SEMA3D: variants seen among roughly 807,000 people sequenced by gnomAD.
SEMA3D encodes the protein semaphorin-3D.
SEMA3D carries 84 observed loss-of-function variants against 100.1 expected under a neutral mutation model. That is an observed-to-expected ratio of 0.84 (90% confidence interval 0.70 to 1.01). SEMA3D has a LOEUF of 1.01. Ranked by LOEUF, SEMA3D falls within the 50% of genes least tolerant of loss-of-function variation. The pLI is 0.00. For synonymous variants in SEMA3D, 312 were observed against 320.7 expected (o/e 0.97, Z 0.29); for missense variants, 875 against 934.1 (o/e 0.94, Z 0.82).
chr7:85,028,172 C>G, intron 12 of SEMA3D: 1 of 639,652 alleles, frequency 1.6e-6, no homozygotes, highest in Non-Finnish European at 2.9e-6. Flanking sequence ...AGCTGCTACC[C>G]ATAGGAGGTG....
intron 8 of SEMA3D, among the ~76,000 whole-genome samples, chr7:85,057,889 C>G (rs1791366338): frequency 6.6e-6 from 1 of 152,180 alleles, no homozygotes; most frequent in African/African-American, 2.4e-5. Flanking sequence ...CGAGATCACA[C>G]CAGGGCACTC....
intron 8 of SEMA3D, among the ~76,000 whole-genome samples, chr7:85,058,622 C>T (rs1030028915): frequency 9.4e-5 from 14 of 148,230 alleles, no homozygotes; most frequent in African/African-American, 3.7e-4. Context: ...GTGGCGGGCG[C>T]CTGCAGTCCC....
At chr7:85,167,319 A>T in intron 1 of SEMA3D, 1 of 983,700 alleles carries the variant, frequency 1.0e-6, no homozygotes, top group Non-Finnish European at 1.2e-6. Flanking sequence ...AGAACAGTCA[A>T]GGGTGGTGAT....
intron 12 of SEMA3D, among the ~76,000 whole-genome samples, chr7:85,034,405 G>A (rs1284625423): frequency 2.0e-5 from 3 of 151,900 alleles, no homozygotes; most frequent in African/African-American, 4.8e-5. Context: ...TCAGGAGTTC[G>A]AGACCAGCCT....
chr7:85,234,045 T>G, the SEMA3D span, among the ~76,000 whole-genome samples: 2 of 152,172 alleles, frequency 1.3e-5, no homozygotes, highest in Non-Finnish European at 2.9e-5. Flanking sequence ...GAGAATGTAT[T>G]CTTGACTTTT....
chr7:85,239,879 G>C, the SEMA3D span, among the ~76,000 whole-genome samples: 26 of 152,182 alleles, frequency 1.7e-4, no homozygotes, highest in African/African-American at 6.3e-4. Context: ...TTCGTATTCT[G>C]TAACCAACCT....
chr7:85,189,159 T>C (rs1791639469), upstream of SEMA3D, among the ~76,000 whole-genome samples: 1 of 152,174 alleles, frequency 6.6e-6, no homozygotes, highest in Admixed American at 6.5e-5. Flanking sequence ...GTTAATATGT[T>C]GCCCAATGTG....
rs1009670813 is a variant in SEMA3D, at chr7:85,093,170, G to T, written c.312+4635C>A. On this transcript the variant is annotated intron_variant, in intron 4 of 18. Coordinates refer to ENST00000284136, the MANE Select transcript of SEMA3D (RefSeq NM_001384900.1). ...TCTTCTAAGTCAATTAATTTTTAAA[G>T]AAAGTTTGTTTTCTGTTCCCTCTGT... Among the ~76,000 whole-genome samples the T allele has an allele frequency of 5.9e-5, 9 of 152,104 alleles. No individual in the cohort carries two copies. The South Asian group carries it at 1.7e-3, about 28-fold the overall frequency.
At chr7:85,184,842 C>T (rs573489982) in intron 1 of SEMA3D, among the ~76,000 whole-genome samples, 5 of 152,216 alleles carry the variant, frequency 3.3e-5, no homozygotes, top group African/African-American at 1.2e-4. Flanking sequence ...AGCGATGGCA[C>T]CCCTGACCCG....
the SEMA3D span, among the ~76,000 whole-genome samples, chr7:85,242,664 C>G: frequency 2.4e-4 from 36 of 152,106 alleles, no homozygotes; most frequent in Non-Finnish European, 1.5e-5. Context: ...TTGGATTTAT[C>G]TACTTCTCCT....
At chr7:85,168,052 G>T (rs1443749669) in intron 1 of SEMA3D, among the ~76,000 whole-genome samples, 1 of 151,726 alleles carries the variant, frequency 6.6e-6, no homozygotes, top group Non-Finnish European at 1.5e-5. Context: ...TTTTGGACTG[G>T]GGTGTATATA....
chr7:85,127,631 T>A (rs1490442648), intron 2 of SEMA3D, among the ~76,000 whole-genome samples: 1 of 152,262 alleles, frequency 6.6e-6, no homozygotes, highest in Non-Finnish European at 1.5e-5. Flanking sequence ...AGTTAACACA[T>A]TTATAAAAAT....
At chr7:85,247,978 G>A in the SEMA3D span, among the ~76,000 whole-genome samples, 1 of 151,928 alleles carries the variant, frequency 6.6e-6, no homozygotes, top group South Asian at 2.1e-4. Flanking sequence ...CATTGAGTAT[G>A]GCAATGACAT....
At chr7:85,155,699 T>C (rs950918216) in intron 1 of SEMA3D, among the ~76,000 whole-genome samples, 1 of 152,198 alleles carries the variant, frequency 6.6e-6, no homozygotes, top group Non-Finnish European at 1.5e-5. Flanking sequence ...TTATTTTAGT[T>C]ATATATTTAT....
chr7:85,162,300 G>A (rs1322156200), intron 1 of SEMA3D, among the ~76,000 whole-genome samples: 1 of 152,042 alleles, frequency 6.6e-6, no homozygotes, highest in African/African-American at 2.4e-5. Flanking sequence ...CTAAGTCACA[G>A]CATCAGTAAA....
the SEMA3D span, among the ~76,000 whole-genome samples, chr7:85,245,703 T>C: frequency 6.6e-6 from 1 of 151,862 alleles, no homozygotes; most frequent in Non-Finnish European, 1.5e-5. Context: ...TCACATAGCA[T>C]TTTTTTTCTT....
intron 12 of SEMA3D, among the ~76,000 whole-genome samples, chr7:85,035,753 TA>T (rs1258697800): frequency 6.6e-6 from 1 of 151,936 alleles, no homozygotes; most frequent in Non-Finnish European, 1.5e-5. Context: ...ATCACATTAT[TA>T]AAAAGAGAGA....
intron 8 of SEMA3D, among the ~76,000 whole-genome samples, chr7:85,063,116 ATAACG>A (rs1227008485): frequency 3.9e-5 from 6 of 152,204 alleles, no homozygotes; most frequent in African/African-American, 1.4e-4. Flanking sequence ...TTTTATCCTT[ATAACG>A]CCCTGTGAAT....
In SEMA3D at chr7:85,007,507, T is replaced by C. The variant is rs575495872; in HGVS notation, c.1769-566A>G. 2.0e-5 allele frequency among the ~76,000 whole-genome samples: 3 copies of C among 151,974 alleles called. No homozygotes were observed. In the East Asian group the frequency reaches 5.8e-4, roughly 30 times the overall value. ...AATATCTGGGCCTTATCTGTATTAATCTACCATTTTTTTTCTTTTTTATAC... is the reference window on the plus strand; with the variant it reads ...AATATCTGGGCCTTATCTGTATTAACCTACCATTTTTTTTCTTTTTTATAC... On this transcript the variant is annotated intron_variant, in intron 17 of 18. Coordinates refer to ENST00000284136, the MANE Select transcript of SEMA3D (RefSeq NM_001384900.1).
Sources: gnomAD v4.1 joint callset for allele counts (sites outside exome capture counted in the v4.1 genomes callset) on GRCh38, gnomAD v4.1.1 for gene constraint, MANE v1.5 for transcripts, NCBI Gene and HGNC (gene_info 2026-07-23, HGNC 2026-07-21) for gene names.